LIG1: variants seen among roughly 807,000 people sequenced by gnomAD.
The protein encoded by LIG1 is DNA ligase 1.
Under a neutral mutation model 115.7 loss-of-function variants are expected in LIG1, and 70 were observed. That is an observed-to-expected ratio of 0.60 (90% confidence interval 0.50 to 0.74). The LOEUF (loss-of-function observed/expected upper bound fraction) is 0.74. Ranked by LOEUF, LIG1 falls within the 30% of genes least tolerant of loss-of-function variation. LIG1 has a pLI of 0.00. For missense variants in LIG1, 1,115 were observed against 1,225.6 expected (o/e 0.91, Z 1.35); for synonymous variants, 487 against 495.3 (o/e 0.98, Z 0.22).
Position 48,115,554 on chromosome 19 carries a change from C to T in LIG1, c.*95G>A. Reference sequence around the variant, plus strand: ...CTCCCCTGACTCTCAAAATCCACAGCCTGCCACAGCAGATTTGCTAAAAAG... The same window carrying T: ...CTCCCCTGACTCTCAAAATCCACAGTCTGCCACAGCAGATTTGCTAAAAAG... On this transcript the variant is annotated 3_prime_UTR_variant, in exon 28 of 28. Coordinates refer to ENST00000263274, the MANE Select transcript of LIG1 (RefSeq NM_000234.3). 2.2e-6 allele frequency: 2 copies of T among 918,358 alleles called. No individual in the cohort carries two copies. The highest frequency in any genetic ancestry group is 2.6e-5 in the East Asian group (1 of 39,124). The allele number at this position is 918,358 out of a possible 1,614,324, so 56.9% of individuals were successfully genotyped here. A position where few individuals can be genotyped will look rare whatever the true frequency, so the allele number is the denominator to read the frequency against.
chr19:48,164,087 G>A (rs1387851973), intron 2 of LIG1, among the ~76,000 whole-genome samples: 1 of 151,988 alleles, frequency 6.6e-6, no homozygotes, highest in Non-Finnish European at 1.5e-5. Flanking sequence ...TCATAGTAAT[G>A]TATGATATTG....
In LIG1 at chr19:48,137,442, C is replaced by T. The variant is rs1022649607; in HGVS notation, c.1254+80G>A. The T allele has an allele frequency of 3.3e-5, 52 of 1,562,658 alleles. No individual in the cohort carries two copies. The highest frequency in any genetic ancestry group is 1.9e-4 in the Admixed American group (11 of 57,238). The stretch of plus-strand genomic sequence containing the variant: ...TGATGCGACCCAGCTGATGGTCTAC[C>T]CAGAAGCCTTCCTGACACACGCGTG... On this transcript the variant is annotated intron_variant, in intron 13 of 27. Transcript: ENST00000263274. This position sits in a 1 kb window ranked among gnomAD's most constrained non-coding sequence, Gnocchi z 4.3.
At chr19:48,142,556 A>C (rs2034842827) in intron 11 of LIG1, among the ~76,000 whole-genome samples, 1 of 152,144 alleles carries the variant, frequency 6.6e-6, no homozygotes. Context: ...GAGCAGTCAC[A>C]ACAGGCTCGA....
intron 3 of LIG1, 41 bp from the exon 4 acceptor site, chr19:48,161,548 G>A (rs558143789): frequency 5.0e-6 from 8 of 1,610,290 alleles, no homozygotes; most frequent in Non-Finnish European, 6.8e-6. Context: ...GGCGACTACA[G>A]CAGGCAGAGT....
At chr19:48,147,474 C>T (rs7246229) in intron 9 of LIG1, 43,512 of 151,656 alleles carry the variant, frequency 0.29, 8,170 homozygotes, top group African/African-American at 0.54. Flanking sequence ...TCCAGGAGCT[C>T]GACCTGGGCA....
At chr19:48,164,789 G>A (rs553195016) in intron 2 of LIG1, among the ~76,000 whole-genome samples, 10 of 152,316 alleles carry the variant, frequency 6.6e-5, no homozygotes, top group South Asian at 2.1e-4. Flanking sequence ...TCCTGAAGCC[G>A]GACTGCATTA....
In LIG1 at chr19:48,153,820, TCA is replaced by T. The variant is rs59841262; in HGVS notation, c.466+50_466+51del. On this transcript the variant is annotated intron_variant, in intron 6 of 27. Transcript: ENST00000263274. ...TTCCTCCTCCTCCTTCCTCTTGGCTTCACACACACACACACACACACACACAC... is the reference window on the plus strand; with the variant it reads ...TTCCTCCTCCTCCTTCCTCTTGGCTTCACACACACACACACACACACACAC... 762 of 136,166 alleles carry T rather than the reference TCA, an allele frequency of 5.6e-3. 5 individuals are homozygous for T. Among genetic ancestry groups the T allele is most frequent in the East Asian group, 0.033 (65 of 1,966 alleles). 8.4% of individuals were successfully genotyped at this position (136,166 alleles called of 1,614,324 possible). A position where few individuals can be genotyped will look rare whatever the true frequency, so the allele number is the denominator to read the frequency against.
intron 15 of LIG1, 112 bp from the exon 16 acceptor site, chr19:48,135,891 G>GCGGGCCCCCCCC: frequency 1.1e-6 from 1 of 928,708 alleles, no homozygotes; most frequent in Non-Finnish European, 1.7e-6. Flanking sequence ...GGCCCAAGAC[G>GCGGGCCCCCCCC]CCCCCTCCCC....
At chr19:48,126,857 C>T (rs775933260) in intron 21 of LIG1, among the ~76,000 whole-genome samples, 3 of 151,754 alleles carry the variant, frequency 2.0e-5, no homozygotes, top group African/African-American at 7.3e-5. Context: ...TGATTACAGG[C>T]GTGAACCACA....
rs745662723 is a variant in LIG1, at chr19:48,137,496, C to T, written c.1254+26G>A. ...TCAGGTCCCCAAGATGTCTGGGGTC[C>T]GGGATGAGCGGCCCGCCCCACTCAC... On this transcript the variant is annotated intron_variant, in intron 13 of 27. Transcript: ENST00000263274. The surrounding 1 kb of genome is among the most constrained non-coding windows in gnomAD (Gnocchi z 4.3). 8.1e-6 allele frequency: 13 copies of T among 1,608,740 alleles called. No homozygotes were observed. The highest frequency in any genetic ancestry group is 4.5e-5 in the East Asian group (2 of 44,864).
At chr19:48,117,536 C>T in intron 26 of LIG1, 102 bp downstream of exon 26, 1 of 1,233,090 alleles carries the variant, frequency 8.1e-7, no homozygotes, top group Non-Finnish European at 1.2e-6. Flanking sequence ...CTGATCCTTA[C>T]CTGGAAGAGC....
intron 5 of LIG1, among the ~76,000 whole-genome samples, chr19:48,156,550 T>C (rs1001171880): frequency 3.9e-5 from 6 of 152,202 alleles, no homozygotes; most frequent in African/African-American, 1.2e-4. Context: ...TCCCAGGTCA[T>C]ACAGCCAGTG....
chr19:48,165,890 G>C (rs893715758), intron 1 of LIG1: 10 of 436,666 alleles, frequency 2.3e-5, no homozygotes, highest in Non-Finnish European at 3.7e-5. Flanking sequence ...AATAGACTGA[G>C]GACCTGAAAT....
rs201719746 is a variant in LIG1 at position 48,158,593 on chromosome 19, ATCT to A, written c.244-1456_244-1454del. 4.4e-3 allele frequency among the ~76,000 whole-genome samples: 670 copies of A among 152,268 alleles called. 9 individuals carry two copies. The highest frequency in any genetic ancestry group is 0.015 in the African/African-American group (610 of 41,556). On this transcript the variant is annotated intron_variant, in intron 4 of 27. Transcript: ENST00000263274. ...TGCTGCCAGGACCGGGACTCCACAA[ATCT>A]TCTTCTTGCTCTGGCGCCACCTGGG...
chr19:48,128,726 C>A (rs2033833625), intron 19 of LIG1, among the ~76,000 whole-genome samples: 1 of 152,222 alleles, frequency 6.6e-6, no homozygotes, highest in South Asian at 2.1e-4. Context: ...CATGTTGTAT[C>A]CTGGAGCCAG....
rs201975345 is a variant in LIG1, at chr19:48,131,059, G to A, written c.1821+17C>T. The A allele has an allele frequency of 2.2e-5, 35 of 1,604,548 alleles. No individual in the cohort carries two copies. Among genetic ancestry groups the A allele is most frequent in the Non-Finnish European group, 2.6e-5 (31 of 1,171,310 alleles). ...CCACAGACCCTGGCAGAGTGCAAGTGTGTGGCAGACGCCCACCTTGGGGAT... is the reference window on the plus strand; with the variant it reads ...CCACAGACCCTGGCAGAGTGCAAGTATGTGGCAGACGCCCACCTTGGGGAT... On this transcript the variant is annotated intron_variant, in intron 19 of 27. Transcript: ENST00000263274.
chr19:48,135,904 C>G (rs3730979), intron 15 of LIG1, 125 bp from the exon 16 acceptor site: 25 of 928,178 alleles, frequency 2.7e-5, no homozygotes, highest in Admixed American at 1.8e-4. Context: ...CCCTCCCCCC[C>G]ACCCAGGAGA....
intron 19 of LIG1, among the ~76,000 whole-genome samples, chr19:48,128,680 C>A (rs2033829224): frequency 6.6e-6 from 1 of 152,254 alleles, no homozygotes; most frequent in South Asian, 2.1e-4. Context: ...TCTTTTCCCT[C>A]AAGGGAACAC....
chr19:48,121,953 T>A (rs1427146715), intron 23 of LIG1, among the ~76,000 whole-genome samples: 1 of 152,198 alleles, frequency 6.6e-6, no homozygotes, highest in Non-Finnish European at 1.5e-5. Context: ...ATTTTCCCAT[T>A]CGTTCAGAAA....
Sources: gnomAD v4.1 joint callset for allele counts (sites outside exome capture counted in the v4.1 genomes callset) on GRCh38, gnomAD v4.1.1 for gene constraint, Gnocchi (gnomAD v3.1) non-coding constraint, MANE v1.5 for transcripts, NCBI Gene and HGNC (gene_info 2026-07-23, HGNC 2026-07-21) for gene names.